Variants in TRHDE observed in about 807,000 individuals in gnomAD.
The protein encoded by TRHDE is thyrotropin releasing hormone degrading enzyme.
In TRHDE, 72 loss-of-function variants were observed where a neutral mutation model predicts 125.7. That is an observed-to-expected ratio of 0.57 (90% confidence interval 0.47 to 0.70). The LOEUF (loss-of-function observed/expected upper bound fraction) is 0.70. TRHDE is among the 30% of genes least tolerant of loss of function. The pLI is 0.00. For synonymous variants in TRHDE, 509 were observed against 509.1 expected (o/e 1.00, Z 0.00); for missense variants, 1,110 against 1,327.1 (o/e 0.84, Z 2.54).
intron 12 of TRHDE, among the ~76,000 whole-genome samples, chr12:72,587,779 A>G (rs567320716): frequency 6.6e-6 from 1 of 152,256 alleles, no homozygotes; most frequent in East Asian, 1.9e-4. Context: ...CAAGTGTTTG[A>G]TGCAGAAATT....
chr12:72,397,998 A>T (rs1225435431), intron 3 of TRHDE, among the ~76,000 whole-genome samples: 1 of 88,212 alleles, frequency 1.1e-5, no homozygotes, highest in African/African-American at 4.4e-5. Context: ...CCAACCCCAC[A>T]ACAGTCCCCA....
At chr12:72,276,966 G>T (rs1000962426) in intron 1 of TRHDE, among the ~76,000 whole-genome samples, 1 of 152,186 alleles carries the variant, frequency 6.6e-6, no homozygotes, top group Non-Finnish European at 1.5e-5. Flanking sequence ...GCCAGATGGT[G>T]AGCGCACCCG....
intron 6 of TRHDE, among the ~76,000 whole-genome samples, chr12:72,527,586 TAAA>T (rs1280881181): frequency 7.4e-6 from 1 of 135,618 alleles, no homozygotes. Flanking sequence ...TAAGAGGAGT[TAAA>T]AAAAAAAAAA....
chr12:72,633,950 A>G (rs1009588781), intron 15 of TRHDE, among the ~76,000 whole-genome samples: 4 of 152,092 alleles, frequency 2.6e-5, no homozygotes, highest in African/African-American at 7.2e-5. Flanking sequence ...TTCCATTTCA[A>G]TAATAATAAA....
intron 4 of TRHDE, among the ~76,000 whole-genome samples, chr12:72,472,489 G>A (rs1876694682): frequency 6.6e-6 from 1 of 151,924 alleles, no homozygotes; most frequent in Non-Finnish European, 1.5e-5. Flanking sequence ...CAAGGGTGAG[G>A]GACCTCAAAA....
intron 2 of TRHDE, among the ~76,000 whole-genome samples, chr12:72,368,631 T>C (rs1291716606): frequency 6.6e-6 from 1 of 152,190 alleles, no homozygotes; most frequent in Non-Finnish European, 1.5e-5. Flanking sequence ...AGGGAGCTTT[T>C]GTCTTTTGCT....
chr12:72,603,950 C>T (rs1216512045), intron 12 of TRHDE, among the ~76,000 whole-genome samples: 1 of 151,976 alleles, frequency 6.6e-6, no homozygotes, highest in Non-Finnish European at 1.5e-5. Flanking sequence ...AAAAATAATC[C>T]AGTGGCTAGA....
chr12:72,552,353 C>A (rs1301508523), intron 7 of TRHDE, among the ~76,000 whole-genome samples: 1 of 152,048 alleles, frequency 6.6e-6, no homozygotes. Flanking sequence ...TGGTCGAATA[C>A]AATGGGCCTA....
Position 72,528,870 on chromosome 12 carries a change from TAAAC to T in TRHDE, c.1723-13417_1723-13414del, listed in dbSNP as rs200078192. Among the ~76,000 whole-genome samples the T allele has an allele frequency of 5.4e-3, 828 of 152,216 alleles. 12 individuals are homozygous for T. The highest frequency in any genetic ancestry group is 0.019 in the African/African-American group (771 of 41,540). On this transcript the variant is annotated intron_variant, in intron 6 of 18. Coordinates refer to ENST00000261180, the MANE Select transcript of TRHDE (RefSeq NM_013381.3). ...TTTAGTCTTCCATTGGATTCAGAAA[TAAAC>T]AAAATAAAGATTTTTAGCACTTTTA... is the stretch of plus-strand genomic sequence containing the variant.
At chr12:72,364,965 G>T (rs1190097798) in intron 2 of TRHDE, among the ~76,000 whole-genome samples, 1 of 152,022 alleles carries the variant, frequency 6.6e-6, no homozygotes, top group Non-Finnish European at 1.5e-5. Flanking sequence ...AAAAAGTGCA[G>T]TTCAATTTTC....
At chr12:72,522,262 A>T (rs897341512) in intron 6 of TRHDE, among the ~76,000 whole-genome samples, 1 of 152,194 alleles carries the variant, frequency 6.6e-6, no homozygotes, top group African/African-American at 2.4e-5. Flanking sequence ...CACCTTACCC[A>T]TAAAACATGA....
chr12:72,341,228 C>T (rs1870071541), intron 2 of TRHDE, among the ~76,000 whole-genome samples: 1 of 151,742 alleles, frequency 6.6e-6, no homozygotes, highest in African/African-American at 2.4e-5. Context: ...TGGTTTGCTG[C>T]ACCCATCAGC....
intron 12 of TRHDE, among the ~76,000 whole-genome samples, chr12:72,588,596 G>T (rs1180491076): frequency 6.6e-6 from 1 of 152,128 alleles, no homozygotes; most frequent in East Asian, 1.9e-4. Context: ...GACCAGGCCT[G>T]TGTTTTTAAA....
chr12:72,379,826 G>A (rs1238619616), intron 3 of TRHDE, among the ~76,000 whole-genome samples: 1 of 152,058 alleles, frequency 6.6e-6, no homozygotes, highest in Non-Finnish European at 1.5e-5. Flanking sequence ...ACTTATCCCA[G>A]CATACTTCTT....
chr12:72,151,334 A>G (rs1319907229), intron 2 of TRHDE, among the ~76,000 whole-genome samples: 1 of 152,010 alleles, frequency 6.6e-6, no homozygotes, highest in Non-Finnish European at 1.5e-5. Context: ...ATTTTCTCCC[A>G]TTCTGTAGGT....
chr12:72,125,531 T>C (rs1875692518), intron 2 of TRHDE, among the ~76,000 whole-genome samples: 1 of 152,204 alleles, frequency 6.6e-6, no homozygotes, highest in Non-Finnish European at 1.5e-5. Context: ...TTAATACTCC[T>C]TTATCCCTCC....
At chr12:72,615,772 A>G (rs996412460) in intron 12 of TRHDE, among the ~76,000 whole-genome samples, 4 of 152,144 alleles carry the variant, frequency 2.6e-5, no homozygotes, top group African/African-American at 4.8e-5. Flanking sequence ...TGGATAAGAT[A>G]CAATGGAAAT....
chr12:72,400,402 A>T (rs1470198892), intron 3 of TRHDE, among the ~76,000 whole-genome samples: 1 of 152,226 alleles, frequency 6.6e-6, no homozygotes, highest in Non-Finnish European at 1.5e-5. Flanking sequence ...CTACGCCTAC[A>T]TTTAATTTAA....
Position 72,406,883 on chromosome 12 carries a change from A to C in TRHDE, c.1315+28762A>C, listed in dbSNP as rs532848850. The stretch of plus-strand genomic sequence containing the variant: ...CTCAAATTTTCATAATTTGTTTTTC[A>C]TTATGACAAATGATATCAAAGTGTA... On this transcript the variant is annotated intron_variant, in intron 3 of 18. Coordinates refer to ENST00000261180, the MANE Select transcript of TRHDE (RefSeq NM_013381.3). Among the ~76,000 whole-genome samples, 21 of 152,286 alleles carry C rather than the reference A, an allele frequency of 1.4e-4. No individual in the cohort carries two copies. In the South Asian group the frequency reaches 4.4e-3, roughly 32 times the overall value.
Sources: gnomAD v4.1 joint callset for allele counts (sites outside exome capture counted in the v4.1 genomes callset) on GRCh38, gnomAD v4.1.1 for gene constraint, MANE v1.5 for transcripts, NCBI Gene and HGNC (gene_info 2026-07-23, HGNC 2026-07-21) for gene names.